Variants in FERMT2 observed in about 807,000 individuals in gnomAD.
The protein encoded by FERMT2 is FERM domain containing kindlin 2.
In FERMT2, 15 loss-of-function variants were observed where a neutral mutation model predicts 82.7. That is an observed-to-expected ratio of 0.18 (90% CI 0.12 to 0.28). The LOEUF (loss-of-function observed/expected upper bound fraction) is 0.28, where lower values mean the gene tolerates loss of function less well. Among genes scored for constraint, FERMT2 ranks in the 10% least tolerant of loss-of-function variants. FERMT2 has a pLI of 1.00. For synonymous variants in FERMT2, 274 were observed against 271.5 expected, an observed-to-expected ratio of 1.01 and a Z score of -0.09; for missense variants, 645 against 809.4, an observed-to-expected ratio of 0.80 and a Z score of 2.46.
At position 52,860,236 on chromosome 14, in the gene FERMT2, T is replaced by C; in HGVS notation, c.1727+105A>G. On this transcript the variant is annotated intron_variant, in intron 13 of 14. Coordinates refer to ENST00000341590, the MANE Select transcript of FERMT2 (RefSeq NM_006832.3). ...TGAATTCTATTGTAATATGAGTTAATGGGTCTACATAGGTATGCTTTAGAT... is the reference window on the plus strand; with the variant it reads ...TGAATTCTATTGTAATATGAGTTAACGGGTCTACATAGGTATGCTTTAGAT... 1.1e-5 allele frequency: 9 copies of C among 829,252 alleles called. No homozygotes were observed. In the South Asian group the frequency reaches 1.6e-4, roughly 15 times the overall value. 51.4% of individuals were successfully genotyped at this position (829,252 alleles called of 1,614,324 possible). A position where few individuals can be genotyped will look rare whatever the true frequency, so the allele number is the denominator to read the frequency against.
intron 3 of FERMT2, among the ~76,000 whole-genome samples, chr14:52,894,285 C>A (rs571732898): frequency 4.1e-4 from 62 of 152,176 alleles, no homozygotes; most frequent in East Asian, 9.7e-4. Flanking sequence ...CACACACACA[C>A]AATATATATT....
At chr14:52,947,705 G>C (rs925712688) in intron 2 of FERMT2, among the ~76,000 whole-genome samples, 2 of 152,160 alleles carry the variant, frequency 1.3e-5, no homozygotes, top group Non-Finnish European at 2.9e-5. Flanking sequence ...ATGAACCCTA[G>C]CTTCAAGATG....
chr14:52,908,296 C>T (rs1888129318), intron 3 of FERMT2, among the ~76,000 whole-genome samples: 1 of 152,202 alleles, frequency 6.6e-6, no homozygotes, highest in South Asian at 2.1e-4. Context: ...GAAACATCCA[C>T]TTATCATATG....
chr14:52,870,794 C>T (rs1025326039), intron 10 of FERMT2, among the ~76,000 whole-genome samples: 67 of 152,186 alleles, frequency 4.4e-4, no homozygotes, highest in African/African-American at 1.5e-3. Context: ...TGTATCCCTA[C>T]TGTTAAATGA....
At chr14:52,896,306 G>T (rs766443843) in intron 3 of FERMT2, among the ~76,000 whole-genome samples, 9 of 152,202 alleles carry the variant, frequency 5.9e-5, no homozygotes, top group Non-Finnish European at 1.3e-4. Flanking sequence ...TTGTAAAGCT[G>T]TAGATTGCTA....
At chr14:52,950,339 C>A in intron 2 of FERMT2, 73 bp downstream of exon 2, 1 of 1,465,906 alleles carries the variant, frequency 6.8e-7, no homozygotes, top group South Asian at 1.2e-5. Context: ...GCCCCTCCCC[C>A]GTCGTGAGCC....
chr14:52,908,270 CTATT>C (rs1888128101), intron 3 of FERMT2, among the ~76,000 whole-genome samples: 1 of 152,172 alleles, frequency 6.6e-6, no homozygotes, highest in African/African-American at 2.4e-5. Context: ...AAGAATTTGA[CTATT>C]TATTACAAGC....
chr14:52,877,347 C>G (rs1382947004), intron 7 of FERMT2, among the ~76,000 whole-genome samples: 2 of 152,024 alleles, frequency 1.3e-5, no homozygotes, highest in Non-Finnish European at 2.9e-5. Flanking sequence ...AAAGCCATAA[C>G]CACGTGAGGG....
In FERMT2 at chr14:52,878,760, T is replaced by C. The variant is rs573969648; in HGVS notation, c.856-71A>G. On this transcript the variant is annotated intron_variant, in intron 6 of 14. Coordinates refer to ENST00000341590, the MANE Select transcript of FERMT2 (RefSeq NM_006832.3). ...TTGAAAAATTTCAAACTCTGAATAT[T>C]CAATTGACAAGAAAAATTTAATGCT... 1.0e-4 allele frequency: 73 copies of C among 727,468 alleles called. No homozygotes were observed. The Middle Eastern group carries it at 1.1e-3, about 10-fold the overall frequency. 45.1% of individuals were successfully genotyped at this position (727,468 alleles called of 1,614,324 possible). A position where few individuals can be genotyped will look rare whatever the true frequency, so the allele number is the denominator to read the frequency against.
intron 10 of FERMT2, among the ~76,000 whole-genome samples, chr14:52,866,053 T>C (rs1885261225): frequency 6.6e-6 from 1 of 152,218 alleles, no homozygotes; most frequent in African/African-American, 2.4e-5. Flanking sequence ...AAGTACACAA[T>C]CTTTTGCACA....
At chr14:52,926,953 C>G (rs1464200763) in intron 2 of FERMT2, among the ~76,000 whole-genome samples, 1 of 151,620 alleles carries the variant, frequency 6.6e-6, no homozygotes. Context: ...TTTCTGTGTC[C>G]CTCCTCCCTT....
intron 13 of FERMT2, chr14:52,860,021 G>A (rs1594921249): frequency 3.6e-6 from 1 of 274,822 alleles, no homozygotes; most frequent in Non-Finnish European, 6.8e-6. Context: ...GTTTCACCGT[G>A]TTAGCCAGGA....
chr14:52,881,503 T>G, intron 4 of FERMT2, 34 bp from the exon 5 acceptor site: 11 of 1,407,474 alleles, frequency 7.8e-6, no homozygotes, highest in Non-Finnish European at 1.1e-5. Context: ...GTAGTAAGTA[T>G]GCAGTACAGC....
At chr14:52,900,760 T>C (rs1301524498) in intron 3 of FERMT2, among the ~76,000 whole-genome samples, 1 of 152,058 alleles carries the variant, frequency 6.6e-6, no homozygotes, top group Non-Finnish European at 1.5e-5. Context: ...CAGCATCCCT[T>C]TCCTGTTCCA....
At chr14:52,904,166 C>T (rs538201250) in intron 3 of FERMT2, among the ~76,000 whole-genome samples, 1 of 151,588 alleles carries the variant, frequency 6.6e-6, no homozygotes, top group East Asian at 2.0e-4. Context: ...GGATCACCTG[C>T]GGTCAGGAGT....
intron 10 of FERMT2, chr14:52,871,783 C>T (rs867326058): frequency 6.6e-6 from 1 of 152,310 alleles, no homozygotes; most frequent in Non-Finnish European, 1.5e-5. Flanking sequence ...GCCACAAACG[C>T]CCTGAGGGAA....
At chr14:52,884,790 C>G (rs1285675265) in intron 4 of FERMT2, among the ~76,000 whole-genome samples, 1 of 151,346 alleles carries the variant, frequency 6.6e-6, no homozygotes, top group Admixed American at 6.6e-5. Flanking sequence ...CACCTGAGGT[C>G]AGGAGTTCAA....
intron 2 of FERMT2, among the ~76,000 whole-genome samples, chr14:52,944,669 T>C (rs1456993898): frequency 6.6e-6 from 1 of 152,248 alleles, no homozygotes; most frequent in Non-Finnish European, 1.5e-5. Flanking sequence ...TGAGATGCAA[T>C]GAACGTATAC....
In FERMT2 at chr14:52,872,782, T is replaced by A. The variant is rs566946222; in HGVS notation, c.1273+17A>T. On this transcript the variant is annotated intron_variant, in intron 10 of 14. Transcript: ENST00000341590. ...GGGATGCCACCATCAACAACAGCCG[T>A]GCCAGGCTCTCCTTACCCCTGAGGT... The A allele has an allele frequency of 6.2e-7, 1 of 1,613,200 alleles. No individual in the cohort carries two copies. The highest frequency in any genetic ancestry group is 1.3e-5 in the African/African-American group (1 of 75,032).
Sources: gnomAD v4.1 joint callset for allele counts (sites outside exome capture counted in the v4.1 genomes callset) on GRCh38, gnomAD v4.1.1 for gene constraint, MANE v1.5 for transcripts, NCBI Gene and HGNC (gene_info 2026-07-23, HGNC 2026-07-21) for gene names.